ADGRG2: variants seen among roughly 807,000 people sequenced by gnomAD.
ADGRG2 encodes the protein adhesion G protein-coupled receptor G2, also known as G protein-coupled receptor 64.
ADGRG2 carries 26 observed loss-of-function variants against 74.1 expected under a neutral mutation model. The ratio of observed to expected loss-of-function variants is 0.35; its 90% CI spans 0.26 to 0.49. The LOEUF is 0.49. Among genes scored for constraint, ADGRG2 ranks in the 20% least tolerant of loss-of-function variants. The pLI is 0.99. For synonymous variants in ADGRG2, 296 were observed against 295.2 expected, an observed-to-expected ratio of 1.00 and a Z score of -0.03; for missense variants, 619 against 763.1, an observed-to-expected ratio of 0.81 and a Z score of 2.22.
At chrX:19,009,558 A>AT in intron 18 of ADGRG2, 68 bp downstream of exon 18, 1 of 983,410 alleles carries the variant, frequency 1.0e-6, no homozygotes, top group Non-Finnish European at 1.5e-6. Flanking sequence ...TGCCTCAATC[A>AT]TGAAATACAA....
chrX:19,057,830 C>A (rs182056383), intron 3 of ADGRG2, among the ~76,000 whole-genome samples: 1 of 111,291 alleles, frequency 9.0e-6, no homozygotes, highest in East Asian at 2.8e-4. Context: ...CAGAGCAAGA[C>A]CCTGTCTCTA....
In ADGRG2 at chrX:19,082,468, G is replaced by C. The variant is rs897976; in HGVS notation, c.-2+234C>G. Among the ~76,000 whole-genome samples, 43,570 of 110,462 alleles carry C rather than the reference G, an allele frequency of 0.39. 8,142 individuals are homozygous for C. The highest frequency in any genetic ancestry group is 0.73 in the African/African-American group (22,169 of 30,236). The stretch of plus-strand genomic sequence containing the variant: ...CGCCCATTCAAAAGCAATTGGGTTA[G>C]CAAGAAGAAACAGGTCAACAATAGA... On this transcript the variant is annotated intron_variant, in intron 2 of 28. Coordinates refer to ENST00000379869, the MANE Select transcript of ADGRG2 (RefSeq NM_001079858.3).
intron 8 of ADGRG2, chrX:19,032,988 G>A (rs1297796305): frequency 8.9e-6 from 1 of 112,119 alleles, no homozygotes; most frequent in African/African-American, 3.2e-5. Context: ...ACTCTGGGAG[G>A]CCGAGGCAGG....
rs1204499895 is a variant in ADGRG2 at position 19,117,135 on chromosome X, C to CA, written c.-47+5306dup. ...TGAAACCTCGTCTCTACTAAAAATA[C>CA]AAAAAAAAAATTAGTCGGGTGTGGT... is the stretch of plus-strand genomic sequence containing the variant. On this transcript the variant is annotated intron_variant, in intron 1 of 28. Transcript: ENST00000379869. 1.3e-3 allele frequency among the ~76,000 whole-genome samples: 136 copies of CA among 104,835 alleles called. 2 individuals carry two copies. Among genetic ancestry groups the CA allele is most frequent in the African/African-American group, 2.4e-3 (69 of 28,914 alleles). The allele number at this position is 104,835 out of a possible 115,157, so 91.0% of individuals were successfully genotyped here. A position where few individuals can be genotyped will look rare whatever the true frequency, so the allele number is the denominator to read the frequency against.
At chrX:19,055,294 A>G (rs1338580909) in intron 3 of ADGRG2, among the ~76,000 whole-genome samples, 3 of 110,299 alleles carry the variant, frequency 2.7e-5, no homozygotes, top group African/African-American at 9.9e-5. Context: ...GTGCGCGCGC[A>G]CGCGCGTGCA....
chrX:19,053,459 C>G (rs2061359079), intron 3 of ADGRG2, among the ~76,000 whole-genome samples: 1 of 111,300 alleles, frequency 9.0e-6, no homozygotes, highest in Admixed American at 9.6e-5. Flanking sequence ...TGTCCTGCAC[C>G]CCTAAAGAAG....
intron 15 of ADGRG2, among the ~76,000 whole-genome samples, chrX:19,016,489 G>A (rs999898209): frequency 1.1e-4 from 12 of 110,708 alleles, no homozygotes; most frequent in African/African-American, 3.3e-4. Context: ...AGTCTCTGAG[G>A]GTGGGAGGCA....
At chrX:19,056,162 G>A (rs995911663) in intron 3 of ADGRG2, among the ~76,000 whole-genome samples, 2 of 111,608 alleles carry the variant, frequency 1.8e-5, no homozygotes, top group Admixed American at 1.9e-4. Context: ...GCCTAGCTGT[G>A]TGCTGAGGAA....
chrX:19,070,826 A>G (rs987562731), intron 2 of ADGRG2, among the ~76,000 whole-genome samples: 1 of 112,034 alleles, frequency 8.9e-6, no homozygotes, highest in Non-Finnish European at 1.9e-5. Context: ...GACTGTGGAC[A>G]AGTTATTTCC....
At chrX:19,017,522 A>T (rs1167677883) in intron 15 of ADGRG2, among the ~76,000 whole-genome samples, 1 of 111,744 alleles carries the variant, frequency 8.9e-6, no homozygotes, top group African/African-American at 3.3e-5. Flanking sequence ...TTCTGATCCG[A>T]TCCCAATGCT....
chrX:19,055,198 C>T (rs1322518146), intron 3 of ADGRG2, among the ~76,000 whole-genome samples: 1 of 112,095 alleles, frequency 8.9e-6, no homozygotes, highest in Non-Finnish European at 1.9e-5. Flanking sequence ...GCTTAACCAG[C>T]TCCCACAGTT....
At chrX:19,036,958 C>T (rs1335672568) in intron 6 of ADGRG2, among the ~76,000 whole-genome samples, 1 of 111,174 alleles carries the variant, frequency 9.0e-6, no homozygotes, top group African/African-American at 3.3e-5. Flanking sequence ...ACTGCTCTGC[C>T]CCCTTCCCTT....
In ADGRG2 at chrX:19,049,628, AT is replaced by A. The variant is rs1215566484; in HGVS notation, c.119-9405del. ...TGAAACACTATGAGATTTTTTTGTG[AT>A]TTTTTTTTTTTTAGCTCATCAGCTA... On this transcript the variant is annotated intron_variant, in intron 3 of 28. Coordinates refer to ENST00000379869, the MANE Select transcript of ADGRG2 (RefSeq NM_001079858.3). Among the ~76,000 whole-genome samples the A allele has an allele frequency of 3.5e-3, 355 of 100,436 alleles. 2 individuals carry two copies. The highest frequency in any genetic ancestry group is 0.034 in the East Asian group (109 of 3,235). 87.2% of individuals were successfully genotyped at this position (100,436 alleles called of 115,157 possible).
rs780435141 is a variant in ADGRG2, at chrX:18,997,557, G to T, written c.2615-1405C>A. On this transcript the variant is annotated intron_variant, in intron 26 of 28. Coordinates refer to ENST00000379869, the MANE Select transcript of ADGRG2 (RefSeq NM_001079858.3). The stretch of plus-strand genomic sequence containing the variant: ...TTCTTAAGACCCTTAAAAAGAATTT[G>T]CTCATGTTTTTGGTTTTGTATGTAA... Among the ~76,000 whole-genome samples the T allele has an allele frequency of 1.2e-4, 14 of 112,450 alleles. No individual in the cohort carries two copies. In the South Asian group the frequency reaches 5.1e-3, roughly 41 times the overall value.
At chrX:19,090,127 C>A (rs2061994956) in intron 1 of ADGRG2, among the ~76,000 whole-genome samples, 1 of 111,387 alleles carries the variant, frequency 9.0e-6, no homozygotes, top group African/African-American at 3.3e-5. Flanking sequence ...GCCTCATTTT[C>A]TTTTATACAC....
Position 18,999,038 on chromosome X carries a change from C to A in ADGRG2, c.2572G>T (p.Val858Leu). The change falls in exon 26 of 29, where the codon GTG (valine) becomes TTG (leucine). Residue 858 changes from valine to leucine, a missense_variant. Transcript: ENST00000379869. ...ATGGCAAACAGATACATGAAGGTCA[C>A]GTTAACTGGTCCCCAGGCAAAGAAG... ...FAFFAWGPVN[V>L]TFMYLFAIFN... 8.3e-7 allele frequency: 1 copy of A among 1,208,059 alleles called. No homozygotes were observed. Among genetic ancestry groups the A allele is most frequent in the Non-Finnish European group, 1.1e-6 (1 of 892,445 alleles).
chrX:19,006,869 G>T lies in ADGRG2; in HGVS notation c.1689+366C>A, dbSNP rs907731911. On this transcript the variant is annotated intron_variant, in intron 20 of 28. Transcript: ENST00000379869. ...GAGCTCCCGGGCTCGTGATCCTCCCGCCTCAGCCCTCCAAGTAGCTGGAAT... is the reference window on the plus strand; with the variant it reads ...GAGCTCCCGGGCTCGTGATCCTCCCTCCTCAGCCCTCCAAGTAGCTGGAAT... Among the ~76,000 whole-genome samples, 3 of 101,265 alleles carry T rather than the reference G, an allele frequency of 3.0e-5. No individual in the cohort carries two copies. The East Asian group carries it at 9.6e-4, about 32-fold the overall frequency. 87.9% of individuals were successfully genotyped at this position (101,265 alleles called of 115,157 possible). A position where few individuals can be genotyped will look rare whatever the true frequency, so the allele number is the denominator to read the frequency against.
intron 3 of ADGRG2, among the ~76,000 whole-genome samples, chrX:19,050,557 C>T (rs903841468): frequency 1.8e-5 from 2 of 111,551 alleles, no homozygotes; most frequent in African/African-American, 6.5e-5. Context: ...CTCACCGATT[C>T]TCAACCCTGG....
intron 15 of ADGRG2, among the ~76,000 whole-genome samples, chrX:19,015,460 C>A (rs1420792342): frequency 4.4e-5 from 5 of 112,814 alleles, no homozygotes; most frequent in Non-Finnish European, 7.5e-5. Context: ...TGGCTCACGC[C>A]TGTAATCCCA....
Sources: gnomAD v4.1 joint callset for allele counts (sites outside exome capture counted in the v4.1 genomes callset) on GRCh38, gnomAD v4.1.1 for gene constraint, MANE v1.5 for transcripts, NCBI Gene and HGNC (gene_info 2026-07-23, HGNC 2026-07-21) for gene names.